Variants in KYNU observed in about 807,000 individuals in gnomAD.
KYNU encodes the protein kynureninase.
KYNU carries 54 observed loss-of-function variants against 59.2 expected under a neutral mutation model. That is an observed-to-expected ratio of 0.91 (90% CI 0.73 to 1.14). The LOEUF (loss-of-function observed/expected upper bound fraction) is 1.14. Ranked by LOEUF, KYNU falls within the 50% of genes most tolerant of loss-of-function variation. KYNU has a pLI of 0.00. For synonymous variants in KYNU, 177 were observed against 192.0 expected, an observed-to-expected ratio of 0.92 and a Z score of 0.65; for missense variants, 567 against 554.4, an observed-to-expected ratio of 1.02 and a Z score of -0.23.
chr2:142,952,233 A>T (rs751122433), intron 4 of KYNU, among the ~76,000 whole-genome samples: 2 of 151,854 alleles, frequency 1.3e-5, no homozygotes, highest in Non-Finnish European at 2.9e-5. Flanking sequence ...GCACCACCAC[A>T]TCCAGCTGTT....
rs149097154 is a variant in KYNU at position 142,960,731 on chromosome 2, C to T, written c.690C>T (p.His230=). Residue 230 remains histidine (H), a synonymous_variant, in exon 8 of 14, where the codon CAC becomes CAT. Transcript: ENST00000264170. ...GGGTGCATTTTTACACTGGACAGCA[C>T]TTTAATATTCCTGCCATCACAAAAG... ...FSGVHFYTGQ[H]FNIPAITKAG... is the part of the protein sequence containing the mutation. 6.2e-6 allele frequency: 10 copies of T among 1,614,006 alleles called. No homozygotes were observed. Among genetic ancestry groups the T allele is most frequent in the Non-Finnish European group, 8.5e-6 (10 of 1,179,976 alleles).
At chr2:142,963,654 T>C (rs1684427230) in intron 8 of KYNU, among the ~76,000 whole-genome samples, 2 of 152,194 alleles carry the variant, frequency 1.3e-5, no homozygotes, top group Non-Finnish European at 1.5e-5. Context: ...ACATATAAAA[T>C]TGGGGTCTGG....
intron 11 of KYNU, among the ~76,000 whole-genome samples, chr2:143,031,517 A>T (rs1304751981): frequency 6.6e-6 from 1 of 151,868 alleles, no homozygotes; most frequent in Non-Finnish European, 1.5e-5. Flanking sequence ...TGATCACAGG[A>T]GTTTGAGACC....
At chr2:142,911,918 C>T (rs1012755362) in intron 2 of KYNU, among the ~76,000 whole-genome samples, 4 of 152,082 alleles carry the variant, frequency 2.6e-5, no homozygotes, top group African/African-American at 9.7e-5. Flanking sequence ...GGTGAAATAA[C>T]TTTTTCATGT....
chr2:143,017,051 T>C (rs1686269633), intron 10 of KYNU, among the ~76,000 whole-genome samples: 2 of 152,232 alleles, frequency 1.3e-5, no homozygotes, highest in East Asian at 3.8e-4. Context: ...GGCTTCTAGT[T>C]GCATCCATGT....
intron 5 of KYNU, 29 bp downstream of exon 5, chr2:142,954,900 AAC>A: frequency 7.6e-7 from 1 of 1,324,214 alleles, no homozygotes; most frequent in African/African-American, 1.4e-5. Context: ...TAATGTTTAG[AAC>A]ACATTCATTT....
chr2:142,904,877 C>T lies in KYNU; in HGVS notation c.170-13732C>T, dbSNP rs560563199. ...CCCCTTTTCCCGCCTTTCTTGACCA[C>T]AAAGAAAGGGATCCGGGCTGCTGGA... is the stretch of plus-strand genomic sequence containing the variant. On this transcript the variant is annotated intron_variant, in intron 2 of 13. Coordinates refer to ENST00000264170, the MANE Select transcript of KYNU (RefSeq NM_003937.3). Among the ~76,000 whole-genome samples, 5 of 152,244 alleles carry T rather than the reference C, an allele frequency of 3.3e-5. No homozygotes were observed. The East Asian group carries it at 9.7e-4, about 29-fold the overall frequency.
intron 4 of KYNU, among the ~76,000 whole-genome samples, chr2:142,943,832 A>G (rs17192994): frequency 6.6e-6 from 1 of 152,198 alleles, no homozygotes; most frequent in African/African-American, 2.4e-5. Flanking sequence ...GAAAAATGGA[A>G]TGTAAAGTTC....
rs756850751 is a variant in KYNU, at chr2:143,029,614, A to G, written c.903-13A>G. 5 of 1,581,612 alleles carry G rather than the reference A, an allele frequency of 3.2e-6. No homozygotes were observed. The highest frequency in any genetic ancestry group is 1.7e-4 in the Middle Eastern group (1 of 6,000). ...AAACCCCCAAAAACCTAATGTTTTT[A>G]TTTATATTTTAGATTAGTGGGATGG... On this transcript the variant is annotated splice_polypyrimidine_tract_variant and intron_variant, in intron 10 of 13. Transcript: ENST00000264170.
At chr2:143,032,884 G>A (rs181114858) in intron 11 of KYNU, among the ~76,000 whole-genome samples, 78 of 152,160 alleles carry the variant, frequency 5.1e-4, no homozygotes, top group Non-Finnish European at 1.1e-3. Flanking sequence ...CTCTCTCATT[G>A]ACATGGTTTC....
rs149695101 is a variant in KYNU, at chr2:143,033,341, A to C, written c.1041+20A>C. 1.3e-5 allele frequency: 20 copies of C among 1,541,432 alleles called. No individual in the cohort carries two copies. The Admixed American group carries it at 3.2e-4, about 24-fold the overall frequency. ...TTAGAGGTAAGTGATGTGTGTTTCA[A>C]CCTTCCCACATCTTTGCGTTTTTTC... On this transcript the variant is annotated intron_variant, in intron 12 of 13. Transcript: ENST00000264170.
chr2:142,998,101 G>T (rs1049480034), intron 10 of KYNU, among the ~76,000 whole-genome samples: 1 of 152,130 alleles, frequency 6.6e-6, no homozygotes, highest in East Asian at 1.9e-4. Context: ...CTTCCAACAC[G>T]TTACTTCTCT....
intron 10 of KYNU, among the ~76,000 whole-genome samples, chr2:143,019,595 G>C (rs72849139): frequency 1.3e-5 from 2 of 152,160 alleles, no homozygotes; most frequent in Non-Finnish European, 2.9e-5. Context: ...TGTTCATCAG[G>C]GATATTGCCC....
chr2:143,040,296 G>T, intron 12 of KYNU, 132 bp from the exon 13 acceptor site: 3 of 674,460 alleles, frequency 4.4e-6, no homozygotes, highest in Non-Finnish European at 7.9e-6. Context: ...TACACAAAAA[G>T]ATTATGTAAA....
rs114267728 is a variant in KYNU at position 142,916,312 on chromosome 2, G to C, written c.170-2297G>C. Among the ~76,000 whole-genome samples the C allele has an allele frequency of 7.7e-3, 1,176 of 152,216 alleles. 14 individuals are homozygous for C. Among genetic ancestry groups the C allele is most frequent in the African/African-American group, 0.027 (1,102 of 41,532 alleles). On this transcript the variant is annotated intron_variant, in intron 2 of 13. Coordinates refer to ENST00000264170, the MANE Select transcript of KYNU (RefSeq NM_003937.3). ...GCCAGAATTTGAAGTGTGACCCTAA[G>C]ACAAGGCTCAAAAATCTCTGCCTTC... is the stretch of plus-strand genomic sequence containing the variant.
chr2:143,029,528 G>A, intron 10 of KYNU, 99 bp from the exon 11 acceptor site: 2 of 758,802 alleles, frequency 2.6e-6, no homozygotes, highest in Non-Finnish European at 4.8e-6. Flanking sequence ...AGAGGTGGCA[G>A]TGAGCTGAGA....
intron 8 of KYNU, among the ~76,000 whole-genome samples, chr2:142,972,531 A>G (rs1684756186): frequency 6.6e-6 from 1 of 152,124 alleles, no homozygotes; most frequent in Non-Finnish European, 1.5e-5. Flanking sequence ...TTGATGGCCT[A>G]CTGTGTTTCT....
chr2:143,027,426 A>G (rs1686606542), intron 10 of KYNU, among the ~76,000 whole-genome samples: 1 of 152,198 alleles, frequency 6.6e-6, no homozygotes, highest in African/African-American at 2.4e-5. Context: ...TTTACATTAT[A>G]GTGTGAAACA....
At chr2:143,001,557 A>G (rs900118748) in intron 10 of KYNU, among the ~76,000 whole-genome samples, 1 of 152,106 alleles carries the variant, frequency 6.6e-6, no homozygotes, top group African/African-American at 2.4e-5. Flanking sequence ...CTGCTCTTCC[A>G]TTCAGTTTCC....
Sources: gnomAD v4.1 joint callset for allele counts (sites outside exome capture counted in the v4.1 genomes callset) on GRCh38, gnomAD v4.1.1 for gene constraint, MANE v1.5 for transcripts, NCBI Gene and HGNC (gene_info 2026-07-23, HGNC 2026-07-21) for gene names.